ASPHD1: variants seen among roughly 807,000 people sequenced by gnomAD.
The protein encoded by ASPHD1 is aspartate beta-hydroxylase domain-containing protein 1.
ASPHD1 carries 20 observed loss-of-function variants against 28.3 expected under a neutral mutation model. That is an observed-to-expected ratio of 0.71 (90% confidence interval 0.50 to 1.03). The LOEUF (loss-of-function observed/expected upper bound fraction) is 1.03, where lower values mean the gene tolerates loss of function less well. Among genes scored for constraint, ASPHD1 ranks in the 50% least tolerant of loss-of-function variants. ASPHD1 has a pLI of 0.00. For synonymous variants in ASPHD1, 240 were observed against 221.2 expected (o/e 1.08, Z -0.75); for missense variants, 479 against 524.1 (o/e 0.91, Z 0.84).
chr16:29,901,374 G>C lies in ASPHD1; in HGVS notation c.403G>C (p.Asp135His), dbSNP rs776453336. ...CGGGCCAAGCCCAGGGGGTCCTGGG[G>C]ATCCCGGGGAAGGACCTAGGACGGA... ...AGGPSPGGPG[D>H]PGEGPRTEGL... is the part of the protein sequence containing the mutation. The change falls in exon 1 of 3, where the codon GAT becomes CAT. Residue 135 changes from aspartate to histidine, a missense_variant. Coordinates refer to ENST00000308748, the MANE Select transcript of ASPHD1 (RefSeq NM_181718.4). This position sits in a 1 kb window ranked among gnomAD's most constrained non-coding sequence, Gnocchi z 5.1. The C allele has an allele frequency of 1.9e-6, 3 of 1,592,408 alleles. No individual in the cohort carries two copies. Among genetic ancestry groups the C allele is most frequent in the Non-Finnish European group, 2.6e-6 (3 of 1,170,818 alleles).
At position 29,901,745 on chromosome 16, in the gene ASPHD1, C is replaced by A; in HGVS notation, c.774C>A (p.Gly258=). 1 of 1,552,616 alleles carries A rather than the reference C, an allele frequency of 6.4e-7. No homozygotes were observed. The highest frequency in any genetic ancestry group is 8.7e-7 in the Non-Finnish European group (1 of 1,150,332). ...GCYQLLLYQA[G]RCQPSNCRRC... ...ACCAGCTCCTGCTGTACCAAGCAGG[C>A]CGGTGCCAACCCAGCAACTGCCGCC... Residue 258 remains glycine (G), a synonymous_variant, in exon 1 of 3, where the codon GGC becomes GGA. Coordinates refer to ENST00000308748, the MANE Select transcript of ASPHD1 (RefSeq NM_181718.4). The surrounding 1 kb of genome is among the most constrained non-coding windows in gnomAD (Gnocchi z 5.1).
chr16:29,906,962 G>C (rs2068623701), downstream of ASPHD1: 1 of 1,614,074 alleles, frequency 6.2e-7, no homozygotes, highest in Non-Finnish European at 8.5e-7. Context: ...GGTGCTCTCG[G>C]TTCTCTTCAT....
downstream of ASPHD1, among the ~76,000 whole-genome samples, chr16:29,909,976 G>A (rs865985428): frequency 6.6e-6 from 1 of 151,910 alleles, no homozygotes; most frequent in African/African-American, 2.4e-5. Flanking sequence ...GCGGGTGCCT[G>A]TAGTGCCAGC....
In ASPHD1 at chr16:29,901,293, G is replaced by T. The variant is rs551194656; in HGVS notation, c.322G>T (p.Ala108Ser). The T allele has an allele frequency of 1.9e-6, 3 of 1,612,332 alleles. No individual in the cohort carries two copies. The African/African-American group carries it at 4.0e-5, about 21-fold the overall frequency. Residue 108 changes from alanine to serine, a missense_variant, in exon 1 of 3, where the codon GCT becomes TCT. By Grantham distance (99) the Ala-to-Ser change is moderately conservative (BLOSUM62 1). Coordinates refer to ENST00000308748, the MANE Select transcript of ASPHD1 (RefSeq NM_181718.4). This position sits in a 1 kb window ranked among gnomAD's most constrained non-coding sequence, Gnocchi z 5.1. ...LGSQDMQALGAGSRAGGVRGG... is the reference protein window; with the variant it reads ...LGSQDMQALGSGSRAGGVRGG... Reference sequence around the variant, plus strand: ...CTCCCAAGACATGCAGGCCCTAGGGGCTGGGAGCCGAGCTGGGGGTGTTCG... The same window carrying T: ...CTCCCAAGACATGCAGGCCCTAGGGTCTGGGAGCCGAGCTGGGGGTGTTCG...
chr16:29,916,477 C>A (rs2068811614), intron 3 of ASPHD1, among the ~76,000 whole-genome samples: 1 of 152,218 alleles, frequency 6.6e-6, no homozygotes, highest in African/African-American at 2.4e-5. Context: ...AAAGTTACTT[C>A]TACATTTGAG....
chr16:29,915,864 C>A (rs2068800753), intron 3 of ASPHD1, among the ~76,000 whole-genome samples: 2 of 152,148 alleles, frequency 1.3e-5, no homozygotes, highest in African/African-American at 4.8e-5. Context: ...TGTATTTAAT[C>A]TTTGCACGGA....
At chr16:29,911,717 T>C in intron 3 of ASPHD1, 1 of 1,319,326 alleles carries the variant, frequency 7.6e-7, no homozygotes, top group Non-Finnish European at 1.1e-6. Context: ...CAGATGTTCT[T>C]GTAGGCCCCC....
chr16:29,908,470 C>T (rs1225928067), downstream of ASPHD1, among the ~76,000 whole-genome samples: 2 of 152,040 alleles, frequency 1.3e-5, no homozygotes, highest in Non-Finnish European at 2.9e-5. Flanking sequence ...CTGCAACCTC[C>T]ACTTCCCAAG....
At chr16:29,902,478 G>T (rs1268354766) in intron 1 of ASPHD1, among the ~76,000 whole-genome samples, 3 of 152,220 alleles carry the variant, frequency 2.0e-5, no homozygotes, top group African/African-American at 7.2e-5. Flanking sequence ...GAACATTCTA[G>T]TTAAGTGCTC....
intron 3 of ASPHD1, chr16:29,912,047 T>C (rs2068722913): frequency 1.2e-6 from 2 of 1,602,108 alleles, no homozygotes; most frequent in Non-Finnish European, 1.7e-6. Flanking sequence ...TCTCCCTTTT[T>C]TGCTGGGGAA....
rs906264906 is a variant in ASPHD1, at chr16:29,905,951, G to A, written c.*54G>A. 2.8e-5 allele frequency: 40 copies of A among 1,424,860 alleles called. No individual in the cohort carries two copies. The South Asian group carries it at 3.2e-4, about 12-fold the overall frequency. 88.3% of individuals were successfully genotyped at this position (1,424,860 alleles called of 1,614,324 possible). ...CTGGAGAGACACTGCGCTCAGGGAC[G>A]GCTTGATGGTAGCCAGGACCTCCTC... On this transcript the variant is annotated 3_prime_UTR_variant, in exon 3 of 3. Coordinates refer to ENST00000308748, the MANE Select transcript of ASPHD1 (RefSeq NM_181718.4).
chr16:29,909,577 T>C (rs1267609075), downstream of ASPHD1, among the ~76,000 whole-genome samples: 1 of 152,148 alleles, frequency 6.6e-6, no homozygotes, highest in Non-Finnish European at 1.5e-5. Flanking sequence ...AATATCTTGA[T>C]GATTGCCACA....
rs2068530444 is a variant in ASPHD1, at chr16:29,900,807, G to A, written c.-165G>A. On this transcript the variant is annotated 5_prime_UTR_variant, in exon 1 of 3. Coordinates refer to ENST00000308748, the MANE Select transcript of ASPHD1 (RefSeq NM_181718.4). ...GAGAGAGCGAGCGAAAAGCGGGGGT[G>A]GGGAGGAAAGGGGGAGATTGAGGTG... 1 of 659,360 alleles carries A rather than the reference G, an allele frequency of 1.5e-6. No individual in the cohort carries two copies. The highest frequency in any genetic ancestry group is 1.8e-5 in the African/African-American group (1 of 54,608). 40.8% of individuals were successfully genotyped at this position (659,360 alleles called of 1,614,324 possible).
rs2068706430 is a variant in ASPHD1 at position 29,911,399 on chromosome 16, G to C, written c.*62+5440G>C. The C allele has an allele frequency of 5.3e-6, 3 of 569,502 alleles. No individual in the cohort carries two copies. In the South Asian group the frequency reaches 6.8e-5, roughly 13 times the overall value. 35.3% of individuals were successfully genotyped at this position (569,502 alleles called of 1,614,324 possible). On this transcript the variant is annotated intron_variant and NMD_transcript_variant, in intron 3 of 3. Coordinates refer to the ASPHD1 transcript ENST00000414952. ...GCACAGCACAGCAGCTCCAGTGAGG[G>C]ACCGGGAGCCAGGCCACCTCCCCGG...
chr16:29,905,674 T>C, intron 2 of ASPHD1, 114 bp from the exon 3 acceptor site: 1 of 565,844 alleles, frequency 1.8e-6, no homozygotes, highest in Non-Finnish European at 3.2e-6. Context: ...ATTTAAAGGG[T>C]TAGAACAAGG....
Position 29,901,707 on chromosome 16 carries a change from GC to G in ASPHD1, c.741del (p.Cys249AlafsTer27). 4.4e-6 allele frequency: 7 copies of G among 1,573,330 alleles called. No individual in the cohort carries two copies. The highest frequency in any genetic ancestry group is 2.2e-5 in the East Asian group (1 of 44,508). ...GCCTCGGGGCTGGTCCCCACCTCTG[GC>G]CCCCGGGTGCTACCAGCTCCTGCTG... is the stretch of plus-strand genomic sequence containing the variant. ...PPPRGWSPPL[A>X]PGCYQLLLYQ... On this transcript the variant is annotated frameshift_variant, in exon 1 of 3. Coordinates refer to ENST00000308748, the MANE Select transcript of ASPHD1 (RefSeq NM_181718.4). LOFTEE classifies it high-confidence loss of function. This position sits in a 1 kb window ranked among gnomAD's most constrained non-coding sequence, Gnocchi z 5.1.
intron 2 of ASPHD1, among the ~76,000 whole-genome samples, chr16:29,905,401 G>A (rs375269419): frequency 1.3e-4 from 20 of 152,090 alleles, no homozygotes; most frequent in African/African-American, 3.4e-4. Flanking sequence ...TGAGGTGGGC[G>A]GATCACCTGA....
At position 29,901,545 on chromosome 16, in the gene ASPHD1, C is replaced by G; in HGVS notation, c.574C>G (p.Leu192Val). The G allele has an allele frequency of 6.4e-7, 1 of 1,561,600 alleles. No individual in the cohort carries two copies. The highest frequency in any genetic ancestry group is 1.9e-5 in the Admixed American group (1 of 51,600). Reference protein sequence around the residue: ...LGIQRPGLLFLPDLPSAPFVP... With the variant: ...LGIQRPGLLFVPDLPSAPFVP... The stretch of plus-strand genomic sequence containing the variant: ...TATTCAGCGCCCAGGCCTGCTTTTC[C>G]TACCAGACCTGCCTTCAGCCCCCTT... Residue 192 changes from leucine (L) to valine (V), a missense_variant, in exon 1 of 3, where the codon CTA becomes GTA. Physicochemically the swap from Leu to Val is conservative, Grantham distance 32. Transcript: ENST00000308748. The surrounding 1 kb of genome is among the most constrained non-coding windows in gnomAD (Gnocchi z 5.1).
intron 1 of ASPHD1, among the ~76,000 whole-genome samples, chr16:29,903,862 ACTCAG>A (rs1483113988): frequency 7.2e-5 from 11 of 151,958 alleles, no homozygotes; most frequent in African/African-American, 2.4e-4. Context: ...TCCTCACAGC[ACTCAG>A]CCATGTGGTC....
Sources: gnomAD v4.1 joint callset for allele counts (sites outside exome capture counted in the v4.1 genomes callset) on GRCh38, gnomAD v4.1.1 for gene constraint, Gnocchi (gnomAD v3.1) non-coding constraint, MANE v1.5 for transcripts, NCBI Gene and HGNC (gene_info 2026-07-23, HGNC 2026-07-21) for gene names.